The following RABGAP1L variants were observed in gnomAD, a reference collection of about 807,000 sequenced individuals.
RABGAP1L encodes RAB GTPase activating protein 1 like, also known as rab GTPase-activating protein 1-like.
Under a neutral mutation model 137.7 loss-of-function variants are expected in RABGAP1L, and 63 were observed. The observed-to-expected ratio is 0.46, with a 90% CI of 0.37 to 0.56. The LOEUF (loss-of-function observed/expected upper bound fraction) is 0.56. Among genes scored for constraint, RABGAP1L ranks in the 20% least tolerant of loss-of-function variants. The pLI is 0.00. For missense variants in RABGAP1L, 1,095 were observed against 1,244.0 expected (o/e 0.88, Z 1.80); for synonymous variants, 431 against 433.7 (o/e 0.99, Z 0.08).
chr1:174,498,203 G>C (rs1048209045), intron 13 of RABGAP1L, among the ~76,000 whole-genome samples: 2 of 152,106 alleles, frequency 1.3e-5, no homozygotes, highest in African/African-American at 4.8e-5. Context: ...TTCAACAAAA[G>C]AAGAGTGAAG....
rs555960860 is a variant in RABGAP1L at position 174,813,050 on chromosome 1, C to T, written c.2340+1090C>T. Among the ~76,000 whole-genome samples, 4 of 152,336 alleles carry T rather than the reference C, an allele frequency of 2.6e-5. No homozygotes were observed. In the South Asian group the frequency reaches 8.3e-4, roughly 32 times the overall value. ...GGCCATTGTAAGCATTTAGGCTTTA[C>T]TTTGAGTGAAGCAGGGAGCTCTTGC... On this transcript the variant is annotated intron_variant, in intron 19 of 25. Transcript: ENST00000681986.
In RABGAP1L at chr1:174,683,431, A is replaced by G. The variant is rs76326748; in HGVS notation, c.1825-91A>G. ...TGGAATTGTGGTTGACAGCCCAGGGACAGGAACAAGCAGGAGCCTGGTATG... is the reference window on the plus strand; with the variant it reads ...TGGAATTGTGGTTGACAGCCCAGGGGCAGGAACAAGCAGGAGCCTGGTATG... On this transcript the variant is annotated intron_variant, in intron 14 of 25. Coordinates refer to ENST00000681986, the MANE Select transcript of RABGAP1L (RefSeq NM_001366446.1). 1,003 of 998,852 alleles carry G rather than the reference A, an allele frequency of 1.0e-3. 11 individuals are homozygous for G. In the East Asian group the frequency reaches 0.024, roughly 24 times the overall value. 61.9% of individuals were successfully genotyped at this position (998,852 alleles called of 1,614,324 possible). A position where few individuals can be genotyped will look rare whatever the true frequency, so the allele number is the denominator to read the frequency against.
At chr1:174,432,469 C>A (rs1652753187) in intron 13 of RABGAP1L, among the ~76,000 whole-genome samples, 1 of 152,154 alleles carries the variant, frequency 6.6e-6, no homozygotes, top group Non-Finnish European at 1.5e-5. Context: ...TTTTATGTTA[C>A]TTTATTGCTA....
At chr1:174,497,146 A>G (rs1660817123) in intron 13 of RABGAP1L, among the ~76,000 whole-genome samples, 1 of 152,180 alleles carries the variant, frequency 6.6e-6, no homozygotes, top group African/African-American at 2.4e-5. Flanking sequence ...ATTAGCTTTA[A>G]TATTAATAGA....
intron 19 of RABGAP1L, among the ~76,000 whole-genome samples, chr1:174,816,767 C>T (rs1558110099): frequency 7.2e-6 from 1 of 138,072 alleles, no homozygotes; most frequent in African/African-American, 2.6e-5. Context: ...GAGTCTTGCT[C>T]TGTCACCAGG....
At chr1:174,212,605 T>G (rs914878980) in intron 1 of RABGAP1L, among the ~76,000 whole-genome samples, 2 of 151,388 alleles carry the variant, frequency 1.3e-5, no homozygotes, top group Non-Finnish European at 3.0e-5. Context: ...AAACTTCAAG[T>G]AAGCGACCTA....
chr1:174,563,741 C>T (rs1380702253), intron 13 of RABGAP1L, among the ~76,000 whole-genome samples: 1 of 152,002 alleles, frequency 6.6e-6, no homozygotes, highest in East Asian at 1.9e-4. Flanking sequence ...GTTTCTTTCC[C>T]TAATGCTAGC....
At position 174,393,575 on chromosome 1, in the gene RABGAP1L, G is replaced by A. The variant is rs1482425851; in HGVS notation, c.1560-420G>A. The stretch of plus-strand genomic sequence containing the variant: ...TCAAGGTGTGATAGGCCTATGATCC[G>A]TTTTCAACATCATTTCCTGAACCCT... On this transcript the variant is annotated intron_variant, in intron 12 of 25. Transcript: ENST00000681986. 2.0e-5 allele frequency among the ~76,000 whole-genome samples: 3 copies of A among 152,196 alleles called. No individual in the cohort carries two copies. The East Asian group carries it at 5.8e-4, about 29-fold the overall frequency.
chr1:174,931,454 T>C (rs1663777613), intron 19 of RABGAP1L, among the ~76,000 whole-genome samples: 1 of 152,194 alleles, frequency 6.6e-6, no homozygotes, highest in African/African-American at 2.4e-5. Flanking sequence ...TAGAAGCCAG[T>C]ACTTCTGAGC....
intron 13 of RABGAP1L, among the ~76,000 whole-genome samples, chr1:174,522,234 C>T (rs1010022998): frequency 6.6e-6 from 1 of 152,106 alleles, no homozygotes; most frequent in Non-Finnish European, 1.5e-5. Flanking sequence ...TATTGCAGAA[C>T]AGCAGAAGGC....
intron 17 of RABGAP1L, among the ~76,000 whole-genome samples, chr1:174,748,072 T>A (rs1488006658): frequency 6.6e-6 from 1 of 152,176 alleles, no homozygotes; most frequent in African/African-American, 2.4e-5. Flanking sequence ...TTTAGCAAAG[T>A]TTCCTCTTGG....
chr1:174,365,782 A>G (rs1441900541), intron 11 of RABGAP1L, among the ~76,000 whole-genome samples: 1 of 152,198 alleles, frequency 6.6e-6, no homozygotes, highest in Non-Finnish European at 1.5e-5. Flanking sequence ...TTGGTAATAC[A>G]AAGTTAAAAC....
At chr1:174,403,780 A>G (rs186084152) in intron 13 of RABGAP1L, among the ~76,000 whole-genome samples, 1 of 150,972 alleles carries the variant, frequency 6.6e-6, no homozygotes, top group Non-Finnish European at 1.5e-5. Context: ...ACGAAGTGTC[A>G]GATTTGTATT....
At chr1:174,609,038 G>A (rs1019824397) in intron 13 of RABGAP1L, among the ~76,000 whole-genome samples, 6 of 151,954 alleles carry the variant, frequency 3.9e-5, no homozygotes. Flanking sequence ...TTTTCATATT[G>A]TGAACTACTT....
At chr1:174,772,882 C>G (rs901062071) in intron 18 of RABGAP1L, among the ~76,000 whole-genome samples, 3 of 151,990 alleles carry the variant, frequency 2.0e-5, no homozygotes, top group African/African-American at 7.3e-5. Flanking sequence ...GTGTATGACC[C>G]TTAATTTTTT....
In RABGAP1L at chr1:174,988,611, G is replaced by A. The variant is rs1486869990; in HGVS notation, c.2806-30G>A. 17 of 1,462,596 alleles carry A rather than the reference G, an allele frequency of 1.2e-5. No individual in the cohort carries two copies. In the South Asian group the frequency reaches 2.3e-4, roughly 20 times the overall value. The allele number at this position is 1,462,596 out of a possible 1,614,324, so 90.6% of individuals were successfully genotyped here. ...GGTGATTTAGCCTATGGAATAGTTT[G>A]ATGTTGGTTATCTCTTTTGGATACT... On this transcript the variant is annotated intron_variant, in intron 24 of 25. Transcript: ENST00000681986.
In RABGAP1L at chr1:174,363,328, A is replaced by G. The variant is rs1198657210; in HGVS notation, c.1466-7651A>G. 5.9e-5 allele frequency among the ~76,000 whole-genome samples: 9 copies of G among 152,198 alleles called. No individual in the cohort carries two copies. The South Asian group carries it at 6.2e-4, about 11-fold the overall frequency. On this transcript the variant is annotated intron_variant, in intron 11 of 25. Transcript: ENST00000681986. ...TTTTGTAGTTCTTTGAAGAATGTCA[A>G]TGGTAGTTTAATAGAAATAGCATTG...
At chr1:174,699,719 G>C (rs1185918454) in intron 16 of RABGAP1L, 69 bp downstream of exon 16, 5 of 1,399,140 alleles carry the variant, frequency 3.6e-6, no homozygotes, top group East Asian at 2.3e-5. Flanking sequence ...TAATAGAGTT[G>C]GTAAGCAATA....
intron 11 of RABGAP1L, among the ~76,000 whole-genome samples, chr1:174,322,119 A>G (rs886778166): frequency 1.3e-5 from 2 of 151,894 alleles, no homozygotes; most frequent in Admixed American, 6.6e-5. Flanking sequence ...TTCCTTTATG[A>G]TTTATATCTT....
Sources: allele counts gnomAD v4.1 joint callset (sites outside exome capture counted in the v4.1 genomes callset), GRCh38; gene constraint gnomAD v4.1.1; transcripts MANE v1.5; gene names NCBI Gene and HGNC (gene_info 2026-07-23, HGNC 2026-07-21).